The following DNAJC6 variants were observed in gnomAD, a reference collection of about 807,000 sequenced individuals.
The protein encoded by DNAJC6 is DnaJ heat shock protein family (Hsp40) member C6, also known as auxilin.
Under a neutral mutation model 110.0 loss-of-function variants are expected in DNAJC6, and 34 were observed. The ratio of observed to expected loss-of-function variants is 0.31; its 90% CI spans 0.24 to 0.41. DNAJC6 has a LOEUF of 0.41. Among genes scored for constraint, DNAJC6 ranks in the 10% least tolerant of loss-of-function variants. DNAJC6 has a pLI of 1.00. For missense variants in DNAJC6, 1,031 were observed against 1,207.8 expected, an observed-to-expected ratio of 0.85 and a Z score of 2.17; for synonymous variants, 406 against 437.2, an observed-to-expected ratio of 0.93 and a Z score of 0.89.
intron 1 of DNAJC6, among the ~76,000 whole-genome samples, chr1:65,287,182 C>A (rs974666259): frequency 6.6e-6 from 1 of 152,084 alleles, no homozygotes; most frequent in African/African-American, 2.4e-5. Context: ...TGTCAGATAT[C>A]CTAATACACT....
intron 1 of DNAJC6, chr1:65,279,137 C>T (rs1192547063): frequency 2.0e-6 from 2 of 985,314 alleles, no homozygotes; most frequent in Non-Finnish European, 2.4e-6. Flanking sequence ...GTTTGATCCT[C>T]TTTTAAAGCC....
chr1:65,328,865 C>A (rs1210105933), intron 1 of DNAJC6, among the ~76,000 whole-genome samples: 2 of 152,172 alleles, frequency 1.3e-5, no homozygotes, highest in Non-Finnish European at 2.9e-5. Context: ...GTCTTCCCAA[C>A]CTTTGCCCCG....
At chr1:65,378,336 C>T (rs1645786611) in intron 4 of DNAJC6, among the ~76,000 whole-genome samples, 1 of 151,976 alleles carries the variant, frequency 6.6e-6, no homozygotes, top group East Asian at 1.9e-4. Context: ...CCATGAAGGA[C>T]TTCATTTTTT....
chr1:65,284,234 C>T (rs1653941733), intron 1 of DNAJC6, among the ~76,000 whole-genome samples: 1 of 152,156 alleles, frequency 6.6e-6, no homozygotes, highest in African/African-American at 2.4e-5. Flanking sequence ...GGTCTTCTCT[C>T]AGAGAGGACC....
intron 1 of DNAJC6, among the ~76,000 whole-genome samples, chr1:65,364,055 G>A (rs887138720): frequency 1.3e-5 from 2 of 152,092 alleles, no homozygotes; most frequent in Admixed American, 6.6e-5. Context: ...ACTCACTGAA[G>A]TTGACTACTG....
intron 4 of DNAJC6, among the ~76,000 whole-genome samples, chr1:65,371,395 T>A (rs1645704175): frequency 6.6e-6 from 1 of 152,156 alleles, no homozygotes; most frequent in Admixed American, 6.6e-5. Flanking sequence ...TCTTAGAATT[T>A]TTTTTATAGG....
chr1:65,321,254 G>A (rs1167015849), intron 1 of DNAJC6, among the ~76,000 whole-genome samples: 1 of 152,158 alleles, frequency 6.6e-6, no homozygotes, highest in African/African-American at 2.4e-5. Context: ...TGGCTGGAAT[G>A]CAGTGGTGCA....
At chr1:65,412,647 C>A (rs940852762) in intron 18 of DNAJC6, among the ~76,000 whole-genome samples, 1 of 152,128 alleles carries the variant, frequency 6.6e-6, no homozygotes, top group Non-Finnish European at 1.5e-5. Flanking sequence ...TTGGCAGATA[C>A]GTCTGGAGAA....
chr1:65,365,042 G>A (rs1175826364), intron 2 of DNAJC6, among the ~76,000 whole-genome samples: 2 of 152,238 alleles, frequency 1.3e-5, no homozygotes, highest in African/African-American at 2.4e-5. Flanking sequence ...AACATCTTGG[G>A]TTCTAATGCA....
At position 65,278,885 on chromosome 1, in the gene DNAJC6, G is replaced by A. The variant is rs946540930; in HGVS notation, c.-131+13953G>A. On this transcript the variant is annotated intron_variant, in intron 1 of 19. Transcript: ENST00000263441. ...AGGGGTGGGGAAGAATCTGGCATGC[G>A]CTAACATTGGAGCTGGGCGACATTC... 4.7e-6 allele frequency: 4 copies of A among 848,980 alleles called. No homozygotes were observed. In the African/African-American group the frequency reaches 5.5e-5, roughly 12 times the overall value. The allele number at this position is 848,980 out of a possible 1,614,324, so 52.6% of individuals were successfully genotyped here.
At chr1:65,336,785 A>G (rs1298440144) in intron 1 of DNAJC6, among the ~76,000 whole-genome samples, 1 of 152,162 alleles carries the variant, frequency 6.6e-6, no homozygotes, top group Non-Finnish European at 1.5e-5. Context: ...CTTTTAAAAA[A>G]CACTGTCACA....
chr1:65,393,191 T>G (rs1645945939), intron 12 of DNAJC6, among the ~76,000 whole-genome samples: 1 of 152,324 alleles, frequency 6.6e-6, no homozygotes, highest in Non-Finnish European at 1.5e-5. Context: ...TAAAAATAGC[T>G]AATATTTATG....
At chr1:65,378,268 A>G (rs1398870730) in intron 4 of DNAJC6, among the ~76,000 whole-genome samples, 3 of 152,144 alleles carry the variant, frequency 2.0e-5, no homozygotes, top group Admixed American at 6.5e-5. Flanking sequence ...TGTAGATCTG[A>G]GAGTCATTCT....
chr1:65,314,852 G>A (rs866546597), intron 1 of DNAJC6, among the ~76,000 whole-genome samples: 1 of 152,242 alleles, frequency 6.6e-6, no homozygotes, highest in Non-Finnish European at 1.5e-5. Flanking sequence ...GTTTAAAGAT[G>A]CACCAGTTAC....
At chr1:65,309,966 C>G (rs568656067) in intron 1 of DNAJC6, 28 bp downstream of exon 1, 1 of 1,378,632 alleles carries the variant, frequency 7.3e-7, no homozygotes, top group Non-Finnish European at 9.4e-7. Context: ...GAGTGCAGCG[C>G]TGAGCCCCGC....
chr1:65,352,668 G>T (rs899952244), intron 1 of DNAJC6, among the ~76,000 whole-genome samples: 2 of 152,096 alleles, frequency 1.3e-5, no homozygotes, highest in African/African-American at 4.8e-5. Flanking sequence ...TCTTGTAAAC[G>T]ACAAACAATA....
chr1:65,386,443 G>T (rs567075007), intron 7 of DNAJC6, among the ~76,000 whole-genome samples: 1 of 152,348 alleles, frequency 6.6e-6, no homozygotes, highest in Admixed American at 6.5e-5. Context: ...ATTTCTGTTT[G>T]TATCCTGATC....
intron 13 of DNAJC6, among the ~76,000 whole-genome samples, chr1:65,396,014 C>T (rs1645973595): frequency 6.6e-6 from 1 of 152,178 alleles, no homozygotes; most frequent in Admixed American, 6.5e-5. Context: ...AGAATGCAGT[C>T]CAGTCATCAG....
intron 15 of DNAJC6, 25 bp from the exon 16 acceptor site, chr1:65,405,845 C>T: frequency 6.4e-7 from 1 of 1,562,418 alleles, no homozygotes. Context: ...ATAGTTTTAC[C>T]TTCTTTATCT....
Sources: allele counts gnomAD v4.1 joint callset (sites outside exome capture counted in the v4.1 genomes callset), GRCh38; gene constraint gnomAD v4.1.1; transcripts MANE v1.5; gene names NCBI Gene and HGNC (gene_info 2026-07-23, HGNC 2026-07-21).